Variants in HCN1 observed in about 807,000 individuals in gnomAD.
HCN1 encodes potassium/sodium hyperpolarization-activated cyclic nucleotide-gated channel 1.
HCN1 carries 13 observed loss-of-function variants against 78.9 expected under a neutral mutation model. The observed-to-expected ratio is 0.16, with a 90% CI of 0.11 to 0.26. The LOEUF is 0.26. HCN1 is among the 10% of genes least tolerant of loss of function. The pLI, the probability that HCN1 is intolerant of heterozygous loss-of-function variation, is 1.00. For missense variants in HCN1, 810 were observed against 1,154.3 expected (o/e 0.70, Z 4.32); for synonymous variants, 552 against 455.5 (o/e 1.21, Z -2.70).
At chr5:45,503,089 G>C (rs1332140330) in intron 2 of HCN1, among the ~76,000 whole-genome samples, 1 of 152,128 alleles carries the variant, frequency 6.6e-6, no homozygotes, top group East Asian at 1.9e-4. Context: ...GGATAACAAA[G>C]TATTTTATAA....
At chr5:45,544,932 T>C (rs1450562645) in intron 2 of HCN1, among the ~76,000 whole-genome samples, 3 of 152,232 alleles carry the variant, frequency 2.0e-5, no homozygotes, top group East Asian at 1.9e-4. Context: ...GTCTTTATAG[T>C]AGCATGATTT....
chr5:45,634,833 T>C (rs1479689237), intron 2 of HCN1, among the ~76,000 whole-genome samples: 5 of 152,080 alleles, frequency 3.3e-5, no homozygotes, highest in Non-Finnish European at 5.9e-5. Flanking sequence ...TTGTGATTCA[T>C]TGCCAGTTAA....
At position 45,645,464 on chromosome 5, in the gene HCN1, C is replaced by G. The variant is rs781618008; in HGVS notation, c.570G>C (p.Leu190=). 1.2e-6 allele frequency: 2 copies of G among 1,613,572 alleles called. No homozygotes were observed. Among genetic ancestry groups the G allele is most frequent in the Admixed American group, 3.3e-5 (2 of 59,910 alleles). Residue 190 remains leucine (L), a synonymous_variant, in exon 2 of 8, where the codon CTG becomes CTC. Transcript: ENST00000303230. ...CAGTCCCAGTCCTAAAATTCATGAT[C>G]AGGTCCAATAGGAAAACTGTATCTG... ...VASDTVFLLD[L]IMNFRTGTVN... is the part of the protein sequence containing the mutation.
At chr5:45,379,596 T>G (rs1469907375) in intron 4 of HCN1, among the ~76,000 whole-genome samples, 1 of 152,118 alleles carries the variant, frequency 6.6e-6, no homozygotes, top group Non-Finnish European at 1.5e-5. Flanking sequence ...TATGAATGTA[T>G]TATGAAACTT....
chr5:45,558,391 G>C (rs1479204633), intron 2 of HCN1: 1 of 152,086 alleles, frequency 6.6e-6, no homozygotes, highest in Non-Finnish European at 1.5e-5. Context: ...AAAAGTGTAA[G>C]ATAAAGCAGC....
intron 2 of HCN1, among the ~76,000 whole-genome samples, chr5:45,603,342 AC>A (rs1210600788): frequency 4.6e-5 from 7 of 151,980 alleles, no homozygotes; most frequent in Non-Finnish European, 7.4e-5. Flanking sequence ...TGTTTCCATC[AC>A]TTCTCTGAAT....
intron 4 of HCN1, among the ~76,000 whole-genome samples, chr5:45,361,073 T>C (rs575060692): frequency 6.6e-6 from 1 of 152,306 alleles, no homozygotes; most frequent in East Asian, 1.9e-4. Context: ...AGATGGAGTT[T>C]CACTCTTGTT....
In HCN1 at chr5:45,261,762, A is replaced by G; in HGVS notation, c.*159T>C. 1 of 775,958 alleles carries G rather than the reference A, an allele frequency of 1.3e-6. No individual in the cohort carries two copies. The highest frequency in any genetic ancestry group is 2.2e-5 in the Admixed American group (1 of 45,106). 48.1% of individuals were successfully genotyped at this position (775,958 alleles called of 1,614,324 possible). A position where few individuals can be genotyped will look rare whatever the true frequency, so the allele number is the denominator to read the frequency against. ...AATTTAGATATATATTTTATAGTAT[A>G]TGTATATATATTTTTACATTTCACG... On this transcript the variant is annotated 3_prime_UTR_variant, in exon 8 of 8. Transcript: ENST00000303230.
chr5:45,493,806 A>T (rs5026524), intron 2 of HCN1, among the ~76,000 whole-genome samples: 69,113 of 137,388 alleles, frequency 0.5, 17,959 homozygotes, highest in African/African-American at 0.7. Flanking sequence ...TGTGTCCATG[A>T]GTTCTCATTG....
intron 4 of HCN1, among the ~76,000 whole-genome samples, chr5:45,372,192 T>C (rs1429951371): frequency 1.6e-5 from 1 of 61,672 alleles, no homozygotes; most frequent in Non-Finnish European, 2.4e-5. Context: ...TATAATACAA[T>C]TAATATAATA....
chr5:45,441,362 A>G (rs1740675780), intron 3 of HCN1, among the ~76,000 whole-genome samples: 1 of 140,600 alleles, frequency 7.1e-6, no homozygotes, highest in African/African-American at 2.6e-5. Flanking sequence ...TGAAGGAGGG[A>G]GGGAAGCAAA....
intron 2 of HCN1, among the ~76,000 whole-genome samples, chr5:45,537,424 G>T (rs1331063140): frequency 1.6e-5 from 2 of 128,600 alleles, no homozygotes; most frequent in Non-Finnish European, 3.2e-5. Flanking sequence ...CAATACCTCT[G>T]TTTGAAAACA....
intron 1 of HCN1, among the ~76,000 whole-genome samples, chr5:45,656,562 A>G (rs1745767461): frequency 6.6e-6 from 1 of 152,172 alleles, no homozygotes; most frequent in African/African-American, 2.4e-5. Context: ...AAATTGCATA[A>G]AAGTTAAAAG....
At chr5:45,527,712 T>TCACATTTTA in intron 2 of HCN1, among the ~76,000 whole-genome samples, 1 of 152,014 alleles carries the variant, frequency 6.6e-6, no homozygotes, top group East Asian at 1.9e-4. Context: ...GAAACTTCCT[T>TCACATTTTA]CACATTTTAA....
chr5:45,570,463 C>T (rs1261337919), intron 2 of HCN1, among the ~76,000 whole-genome samples: 1 of 152,086 alleles, frequency 6.6e-6, no homozygotes, highest in Non-Finnish European at 1.5e-5. Context: ...ACTACCTTAC[C>T]AGCTGGGAGA....
chr5:45,571,869 A>T (rs1743843959), intron 2 of HCN1, among the ~76,000 whole-genome samples: 2 of 152,288 alleles, frequency 1.3e-5, no homozygotes, highest in South Asian at 4.1e-4. Flanking sequence ...AGCTGAGATC[A>T]TGCCATTGCA....
chr5:45,680,834 G>C (rs1739688817), intron 1 of HCN1, among the ~76,000 whole-genome samples: 1 of 152,000 alleles, frequency 6.6e-6, no homozygotes. Context: ...GGTGAAGGTA[G>C]GTAATCATTT....
chr5:45,419,842 C>A (rs1740191638), intron 3 of HCN1, among the ~76,000 whole-genome samples: 1 of 152,150 alleles, frequency 6.6e-6, no homozygotes, highest in Non-Finnish European at 1.5e-5. Flanking sequence ...CCTGGGGTCC[C>A]TGATCTCCTC....
intron 3 of HCN1, among the ~76,000 whole-genome samples, chr5:45,425,984 T>G (rs1351355546): frequency 6.6e-6 from 1 of 152,112 alleles, no homozygotes; most frequent in Non-Finnish European, 1.5e-5. Flanking sequence ...ATTAATGGTG[T>G]TGTTGTAATT....
Sources: gnomAD v4.1 joint callset for allele counts (sites outside exome capture counted in the v4.1 genomes callset) on GRCh38, gnomAD v4.1.1 for gene constraint, MANE v1.5 for transcripts, NCBI Gene and HGNC (gene_info 2026-07-23, HGNC 2026-07-21) for gene names.